DNAH11: variants seen among roughly 807,000 people sequenced by gnomAD.
The protein encoded by DNAH11 is dynein axonemal heavy chain 11.
A neutral mutation model predicts 526.0 loss-of-function variants in DNAH11; 442 were observed. The ratio of observed to expected loss-of-function variants is 0.84; its 90% CI spans 0.78 to 0.91. The LOEUF is 0.91. DNAH11 is among the 40% of genes least tolerant of loss of function. The probability of loss-of-function intolerance (pLI) is 0.00; values close to 1 mark genes in which losing one functional copy is unlikely to be tolerated. For missense variants in DNAH11, 6,989 were observed against 5,448.7 expected, an observed-to-expected ratio of 1.28 and a Z score of -8.90; for synonymous variants, 2,461 against 1,935.9, an observed-to-expected ratio of 1.27 and a Z score of -7.12.
chr7:21,661,134 T>C (rs947587156), intron 30 of DNAH11, among the ~76,000 whole-genome samples: 1 of 152,096 alleles, frequency 6.6e-6, no homozygotes, highest in African/African-American at 2.4e-5. Flanking sequence ...ATTTATTCTG[T>C]TCTCCACTCC....
chr7:21,776,702 G>C (rs73277723), intron 56 of DNAH11, among the ~76,000 whole-genome samples: 1 of 152,236 alleles, frequency 6.6e-6, no homozygotes, highest in South Asian at 2.1e-4. Context: ...ACTGAAATTA[G>C]GGCTTGAAAT....
intron 40 of DNAH11, among the ~76,000 whole-genome samples, chr7:21,709,116 C>G (rs1784372311): frequency 6.6e-6 from 1 of 152,186 alleles, no homozygotes; most frequent in African/African-American, 2.4e-5. Flanking sequence ...ACCAAAAAGA[C>G]ACATTCACTC....
chr7:21,815,617 A>G (rs1029723512), intron 63 of DNAH11, among the ~76,000 whole-genome samples: 2 of 152,052 alleles, frequency 1.3e-5, no homozygotes, highest in African/African-American at 4.8e-5. Context: ...CTTCCATGTT[A>G]ACCACCCCAC....
At chr7:21,634,983 AC>A (rs1202770424) in intron 25 of DNAH11, among the ~76,000 whole-genome samples, 1 of 152,186 alleles carries the variant, frequency 6.6e-6, no homozygotes, top group African/African-American at 2.4e-5. Flanking sequence ...AACAAAAACC[AC>A]ATTAATTATA....
intron 55 of DNAH11, among the ~76,000 whole-genome samples, chr7:21,770,217 G>T (rs191787725): frequency 1.1e-4 from 17 of 151,724 alleles, no homozygotes; most frequent in African/African-American, 3.6e-4. Context: ...ATTTTTTTTT[G>T]ATTTTGGAAT....
At chr7:21,634,618 C>G (rs1461137911) in intron 25 of DNAH11, among the ~76,000 whole-genome samples, 1 of 152,092 alleles carries the variant, frequency 6.6e-6, no homozygotes, top group Non-Finnish European at 1.5e-5. Context: ...CATTGAGTCC[C>G]CTTGGACACA....
chr7:21,572,940 G>A (rs1328531410), intron 8 of DNAH11, among the ~76,000 whole-genome samples: 2 of 152,168 alleles, frequency 1.3e-5, no homozygotes, highest in South Asian at 2.1e-4. Flanking sequence ...CACTTGGAAG[G>A]CATTCAATAA....
intron 25 of DNAH11, among the ~76,000 whole-genome samples, chr7:21,630,280 C>A (rs753792882): frequency 6.6e-6 from 1 of 152,006 alleles, no homozygotes; most frequent in Non-Finnish European, 1.5e-5. Context: ...ATCTCTTAAC[C>A]GTTTGCTGTA....
In DNAH11 at chr7:21,706,776, C is replaced by T. The variant is rs577222717; in HGVS notation, c.6547-923C>T. Among the ~76,000 whole-genome samples, 32 of 152,260 alleles carry T rather than the reference C, an allele frequency of 2.1e-4. No homozygotes were observed. The South Asian group carries it at 6.4e-3, about 31-fold the overall frequency. ...GCATCTTATCATTTCAAAGTGTTTG[C>T]CAATTGTTTATCAGTTTTTCACAAC... On this transcript the variant is annotated intron_variant, in intron 39 of 81. Coordinates refer to ENST00000409508, the MANE Select transcript of DNAH11 (RefSeq NM_001277115.2).
intron 9 of DNAH11, among the ~76,000 whole-genome samples, chr7:21,582,462 A>G (rs1160511733): frequency 1.5e-4 from 23 of 152,230 alleles, no homozygotes; most frequent in Admixed American, 1.5e-3. Flanking sequence ...GGCATAAGAC[A>G]TCATTGATTA....
chr7:21,848,440 A>C (rs943625536), intron 66 of DNAH11, among the ~76,000 whole-genome samples: 3 of 151,772 alleles, frequency 2.0e-5, no homozygotes, highest in Non-Finnish European at 4.4e-5. Flanking sequence ...TTCACATTTA[A>C]AGAGATTGTT....
intron 7 of DNAH11, among the ~76,000 whole-genome samples, chr7:21,570,983 TC>T (rs1783864079): frequency 6.6e-6 from 1 of 152,202 alleles, no homozygotes; most frequent in Admixed American, 6.5e-5. Context: ...TTTGTTTTAT[TC>T]CATTCAAAAT....
intron 44 of DNAH11, among the ~76,000 whole-genome samples, chr7:21,724,809 A>T (rs1033038568): frequency 1.1e-4 from 4 of 36,022 alleles, no homozygotes; most frequent in Non-Finnish European, 1.7e-4. Context: ...GGATGCATAG[A>T]GGTATCACTG....
chr7:21,626,883 T>G (rs2128456662), intron 25 of DNAH11, among the ~76,000 whole-genome samples: 1 of 151,304 alleles, frequency 6.6e-6, no homozygotes, highest in East Asian at 2.0e-4. Flanking sequence ...CCCAAGTAGC[T>G]GGGACTACAG....
intron 72 of DNAH11, among the ~76,000 whole-genome samples, chr7:21,868,384 C>T (rs527475502): frequency 3.4e-4 from 51 of 152,124 alleles, no homozygotes; most frequent in South Asian, 1.7e-3. Context: ...ATTACCATTC[C>T]CCACGGCCTG....
At position 21,852,951 on chromosome 7, in the gene DNAH11, G is replaced by A. The variant is rs139782721; in HGVS notation, c.11061+320G>A. Among the ~76,000 whole-genome samples, 672 of 152,170 alleles carry A rather than the reference G, an allele frequency of 4.4e-3. 8 individuals are homozygous for A. Among genetic ancestry groups the A allele is most frequent in the African/African-American group, 0.015 (619 of 41,508 alleles). On this transcript the variant is annotated intron_variant, in intron 67 of 81. Coordinates refer to ENST00000409508, the MANE Select transcript of DNAH11 (RefSeq NM_001277115.2). ...GAAAATCTGAAAAGCCTTAGCATCCGGCTCTTCCAAACTCATATCCTACAG... is the reference window on the plus strand; with the variant it reads ...GAAAATCTGAAAAGCCTTAGCATCCAGCTCTTCCAAACTCATATCCTACAG...
At chr7:21,753,195 GTGGGTGCAGT>G (rs1786486537) in intron 54 of DNAH11, among the ~76,000 whole-genome samples, 1 of 152,082 alleles carries the variant, frequency 6.6e-6, no homozygotes, top group South Asian at 2.1e-4. Flanking sequence ...CTGATCACAG[GTGGGTGCAGT>G]ATGTTCATGT....
rs184237325 is a variant in DNAH11 at position 21,789,123 on chromosome 7, A to G, written c.9925-118A>G. 1,020 of 751,014 alleles carry G rather than the reference A, an allele frequency of 1.4e-3. 9 individuals carry two copies. The African/African-American group carries it at 0.017, about 12-fold the overall frequency. The allele number at this position is 751,014 out of a possible 1,614,324, so 46.5% of individuals were successfully genotyped here. ...GAGCAACATGAGAAGACCCCATCTCAATAAAAAAAGAGAAGTTGCTAGATG... is the reference window on the plus strand; with the variant it reads ...GAGCAACATGAGAAGACCCCATCTCGATAAAAAAAGAGAAGTTGCTAGATG... On this transcript the variant is annotated intron_variant, in intron 60 of 81. Coordinates refer to ENST00000409508, the MANE Select transcript of DNAH11 (RefSeq NM_001277115.2).
intron 35 of DNAH11, among the ~76,000 whole-genome samples, chr7:21,692,077 C>G (rs1468872594): frequency 1.3e-5 from 2 of 152,152 alleles, no homozygotes; most frequent in Non-Finnish European, 2.9e-5. Flanking sequence ...AAGTCAACTT[C>G]ATTCAGGTAT....
Sources: gnomAD v4.1 joint callset for allele counts (sites outside exome capture counted in the v4.1 genomes callset) on GRCh38, gnomAD v4.1.1 for gene constraint, MANE v1.5 for transcripts, NCBI Gene and HGNC (gene_info 2026-07-23, HGNC 2026-07-21) for gene names.